Variants in CDC14A observed in about 807,000 individuals in gnomAD.
CDC14A encodes dual specificity protein phosphatase CDC14A.
A neutral mutation model predicts 74.4 loss-of-function variants in CDC14A; 53 were observed. The observed-to-expected ratio is 0.71, with a 90% CI of 0.57 to 0.89. The LOEUF (loss-of-function observed/expected upper bound fraction) is 0.89. CDC14A is among the 40% of genes least tolerant of loss of function. CDC14A has a pLI of 0.00. For missense variants in CDC14A, 646 were observed against 713.7 expected (o/e 0.91, Z 1.08); for synonymous variants, 247 against 258.4 (o/e 0.96, Z 0.43).
chr1:100,485,820 T>C (rs1669969894), intron 11 of CDC14A: 2 of 152,228 alleles, frequency 1.3e-5, no homozygotes, highest in Non-Finnish European at 2.9e-5. Flanking sequence ...ATGAATTTTC[T>C]TTCAGGGACA....
chr1:100,357,659 G>A (rs1652105421), intron 2 of CDC14A, among the ~76,000 whole-genome samples: 1 of 151,524 alleles, frequency 6.6e-6, no homozygotes, highest in African/African-American at 2.4e-5. Context: ...TACTCTTGAG[G>A]CTGAGGCGAC....
chr1:100,358,139 A>G (rs1652178551), intron 2 of CDC14A, among the ~76,000 whole-genome samples: 1 of 152,218 alleles, frequency 6.6e-6, no homozygotes, highest in Non-Finnish European at 1.5e-5. Context: ...AAATCAAAGT[A>G]TAGGCTAACA....
chr1:100,427,899 G>T (rs866510021), intron 5 of CDC14A, among the ~76,000 whole-genome samples: 1 of 152,154 alleles, frequency 6.6e-6, no homozygotes, highest in Non-Finnish European at 1.5e-5. Flanking sequence ...TCTGAAATGG[G>T]GGGGTAGGAG....
chr1:100,516,660 A>G (rs1170479662), intron 15 of CDC14A, among the ~76,000 whole-genome samples: 1 of 152,140 alleles, frequency 6.6e-6, no homozygotes, highest in Non-Finnish European at 1.5e-5. Context: ...GAAACCGAGA[A>G]AAAGCAGGTA....
chr1:100,467,207 A>G (rs1362726270), intron 9 of CDC14A, among the ~76,000 whole-genome samples: 1 of 152,076 alleles, frequency 6.6e-6, no homozygotes, highest in Non-Finnish European at 1.5e-5. Flanking sequence ...TTCTTAGTGG[A>G]ACTTACATAC....
At chr1:100,412,767 A>ATTTTATATATATATATT (rs763921580) in intron 4 of CDC14A, among the ~76,000 whole-genome samples, 5 of 88,408 alleles carry the variant, frequency 5.7e-5, no homozygotes, top group South Asian at 2.9e-4. Flanking sequence ...ATATATATAT[A>ATTTTATATATATATATT]TTATATATAT....
chr1:100,452,577 A>T (rs1328400010), intron 7 of CDC14A, among the ~76,000 whole-genome samples: 1 of 152,236 alleles, frequency 6.6e-6, no homozygotes, highest in Non-Finnish European at 1.5e-5. Flanking sequence ...GTGCACCAGG[A>T]GAGTGAGTTA....
chr1:100,443,424 T>G (rs1037553105), intron 7 of CDC14A, among the ~76,000 whole-genome samples: 5 of 151,836 alleles, frequency 3.3e-5, no homozygotes, highest in Non-Finnish European at 5.9e-5. Context: ...AACCTCTGCC[T>G]CCCCAGGCTC....
Position 100,500,627 on chromosome 1 carries a change from C to T in CDC14A, c.1755+1365C>T, listed in dbSNP as rs564966871. Among the ~76,000 whole-genome samples, 21 of 151,092 alleles carry T rather than the reference C, an allele frequency of 1.4e-4. 3 individuals carry two copies. In the South Asian group the frequency reaches 3.1e-3, roughly 23 times the overall value. ...ACAAAATTAGCTGGGCGTGGTGGCA[C>T]GCACCTGTAATCCCAGCTACCATAA... On this transcript the variant is annotated intron_variant, in intron 15 of 15. Coordinates refer to ENST00000336454, the MANE Select transcript of CDC14A (RefSeq NM_003672.4).
rs11166460 is a variant in CDC14A, at chr1:100,493,836, G to A, written c.1138-982G>A. On this transcript the variant is annotated intron_variant, in intron 11 of 15. Coordinates refer to ENST00000336454, the MANE Select transcript of CDC14A (RefSeq NM_003672.4). ...ACTGTGGAACCCAACATAGGTGGCC[G>A]GGATTGAGGAGGTATTGCGATGAGA... Among the ~76,000 whole-genome samples, 395 of 152,292 alleles carry A rather than the reference G, an allele frequency of 2.6e-3. 3 individuals carry two copies. The highest frequency in any genetic ancestry group is 9.3e-3 in the African/African-American group (385 of 41,564).
Position 100,506,543 on chromosome 1 carries a change from A to G in CDC14A, c.1755+7281A>G, listed in dbSNP as rs1432140542. Among the ~76,000 whole-genome samples, 3 of 152,190 alleles carry G rather than the reference A, an allele frequency of 2.0e-5. No individual in the cohort carries two copies. The East Asian group carries it at 5.8e-4, about 29-fold the overall frequency. On this transcript the variant is annotated intron_variant, in intron 15 of 15. Coordinates refer to ENST00000336454, the MANE Select transcript of CDC14A (RefSeq NM_003672.4). ...CTGTTTATATGTTTGCAGTATTTGT[A>G]GATATATGTAACTATAATTTAAGTT...
chr1:100,482,875 C>T (rs561867813), intron 10 of CDC14A, among the ~76,000 whole-genome samples: 17 of 152,050 alleles, frequency 1.1e-4, no homozygotes, highest in East Asian at 5.8e-4. Context: ...ATGTGCACAA[C>T]GTGCAGGCTT....
At position 100,393,496 on chromosome 1, in the gene CDC14A, C is replaced by T. The variant is rs1471813361; in HGVS notation, c.309+2672C>T. 2.7e-5 allele frequency: 21 copies of T among 767,682 alleles called. No individual in the cohort carries two copies. The East Asian group carries it at 4.4e-4, about 16-fold the overall frequency. The allele number at this position is 767,682 out of a possible 1,614,324, so 47.6% of individuals were successfully genotyped here. A position where few individuals can be genotyped will look rare whatever the true frequency, so the allele number is the denominator to read the frequency against. The stretch of plus-strand genomic sequence containing the variant: ...GTTGGTTGTCGAGCAGCCAGTCTCT[C>T]AAATTCATTTCTCATCATGTCAGTT... On this transcript the variant is annotated intron_variant, in intron 4 of 15. Transcript: ENST00000336454.
chr1:100,470,072 C>T (rs1668241610), intron 10 of CDC14A, among the ~76,000 whole-genome samples: 3 of 152,072 alleles, frequency 2.0e-5, no homozygotes, highest in African/African-American at 4.8e-5. Flanking sequence ...TGATCATAAA[C>T]ACAGAGTTCT....
intron 15 of CDC14A, among the ~76,000 whole-genome samples, chr1:100,514,668 C>T (rs1650047806): frequency 6.6e-6 from 1 of 152,126 alleles, no homozygotes; most frequent in Admixed American, 6.6e-5. Flanking sequence ...CTGCTTTGTG[C>T]CTCAGTTTCC....
chr1:100,506,058 A>T (rs1649211037), intron 15 of CDC14A, among the ~76,000 whole-genome samples: 1 of 152,140 alleles, frequency 6.6e-6, no homozygotes, highest in Admixed American at 6.5e-5. Flanking sequence ...TTCATGAAGG[A>T]TCCACCGCCA....
intron 3 of CDC14A, among the ~76,000 whole-genome samples, chr1:100,388,411 C>A (rs1353512699): frequency 6.6e-6 from 1 of 152,196 alleles, no homozygotes; most frequent in Non-Finnish European, 1.5e-5. Flanking sequence ...AGCAAAGAAT[C>A]AAGTGTCAGC....
intron 2 of CDC14A, among the ~76,000 whole-genome samples, chr1:100,370,966 G>A (rs1402184802): frequency 6.6e-6 from 1 of 151,988 alleles, no homozygotes; most frequent in East Asian, 1.9e-4. Flanking sequence ...CATTTGTGTT[G>A]TCTGTAATTT....
intron 4 of CDC14A, among the ~76,000 whole-genome samples, chr1:100,405,316 T>G (rs2101023154): frequency 6.6e-6 from 1 of 152,358 alleles, no homozygotes; most frequent in African/African-American, 2.4e-5. Context: ...TTGTACTTAC[T>G]TGCTTTGCAC....
Sources: allele counts gnomAD v4.1 joint callset (sites outside exome capture counted in the v4.1 genomes callset), GRCh38; gene constraint gnomAD v4.1.1; transcripts MANE v1.5; gene names NCBI Gene and HGNC (gene_info 2026-07-23, HGNC 2026-07-21).